Variants in MEI4 observed in about 807,000 individuals in gnomAD.
The protein encoded by MEI4 is meiotic double-stranded break formation protein 4, also known as meiosis-specific protein MEI4.
In MEI4, 27 loss-of-function variants were observed where a neutral mutation model predicts 31.4. The observed-to-expected ratio is 0.86, with a 90% confidence interval of 0.63 to 1.19. The LOEUF is 1.19. MEI4 is among the 50% of genes most tolerant of loss of function. The probability of loss-of-function intolerance (pLI) is 0.00; values close to 1 mark genes in which losing one functional copy is unlikely to be tolerated. For synonymous variants in MEI4, 122 were observed against 145.4 expected, an observed-to-expected ratio of 0.84 and a Z score of 1.16; for missense variants, 329 against 398.9, an observed-to-expected ratio of 0.82 and a Z score of 1.49.
intron 2 of MEI4, among the ~76,000 whole-genome samples, chr6:77,752,448 A>G (rs1289751724): frequency 6.6e-6 from 1 of 152,218 alleles, no homozygotes; most frequent in Non-Finnish European, 1.5e-5. Context: ...AAAAATCACA[A>G]GCATTCTTAT....
chr6:77,700,310 C>G (rs1437527594), intron 2 of MEI4, among the ~76,000 whole-genome samples: 2 of 152,186 alleles, frequency 1.3e-5, no homozygotes, highest in Admixed American at 1.3e-4. Context: ...GCCCCTCCCC[C>G]AGCCTCACTG....
chr6:77,841,333 A>ATATATATATATATATATATTTTTTTTT, intron 4 of MEI4, among the ~76,000 whole-genome samples: 1 of 27,736 alleles, frequency 3.6e-5, no homozygotes, highest in African/African-American at 3.3e-4. Context: ...ATATATATAT[A>ATATATATATATATATATATTTTTTTTT]TTTTTTTTTT....
chr6:77,754,261 T>C (rs1380489604), intron 2 of MEI4, among the ~76,000 whole-genome samples: 3 of 151,916 alleles, frequency 2.0e-5, no homozygotes, highest in Non-Finnish European at 4.4e-5. Context: ...TAGAAATAAA[T>C]AAATAAATAA....
chr6:77,755,620 T>C (rs1767896247), intron 2 of MEI4, among the ~76,000 whole-genome samples: 1 of 152,086 alleles, frequency 6.6e-6, no homozygotes, highest in Non-Finnish European at 1.5e-5. Flanking sequence ...GGTTTTACCA[T>C]GTTGGCCAGG....
chr6:77,700,670 C>T (rs1766196048), intron 2 of MEI4, among the ~76,000 whole-genome samples: 1 of 152,306 alleles, frequency 6.6e-6, no homozygotes, highest in Non-Finnish European at 1.5e-5. Flanking sequence ...CAAAAATCAC[C>T]TGTATTCTGT....
intron 2 of MEI4, among the ~76,000 whole-genome samples, chr6:77,729,949 A>G (rs181650028): frequency 1.1e-4 from 16 of 152,222 alleles, no homozygotes; most frequent in Admixed American, 1.0e-3. Flanking sequence ...GGCTCGGGAG[A>G]ACAACTCAGT....
chr6:77,759,386 A>G (rs1020389235), intron 2 of MEI4, among the ~76,000 whole-genome samples: 4 of 152,118 alleles, frequency 2.6e-5, no homozygotes, highest in Admixed American at 2.0e-4. Context: ...ACACACTGAT[A>G]ACTCCTAAAA....
chr6:77,694,127 A>C (rs1769211065), intron 2 of MEI4, among the ~76,000 whole-genome samples: 2 of 152,112 alleles, frequency 1.3e-5, no homozygotes, highest in African/African-American at 2.4e-5. Flanking sequence ...AACAATGAGT[A>C]AGGTTTTATT....
At chr6:77,694,073 A>G (rs1412394887) in intron 2 of MEI4, among the ~76,000 whole-genome samples, 1 of 152,038 alleles carries the variant, frequency 6.6e-6, no homozygotes, top group African/African-American at 2.4e-5. Context: ...AAAGTATGAT[A>G]TGCTTTTTCT....
chr6:77,705,549 T>C (rs1766312882), intron 2 of MEI4, among the ~76,000 whole-genome samples: 1 of 152,122 alleles, frequency 6.6e-6, no homozygotes, highest in South Asian at 2.1e-4. Context: ...CTAAATAGAA[T>C]ATGCAGACAA....
chr6:77,743,371 C>G (rs1767475809), intron 2 of MEI4, among the ~76,000 whole-genome samples: 1 of 152,116 alleles, frequency 6.6e-6, no homozygotes, highest in Non-Finnish European at 1.5e-5. Flanking sequence ...GTATTTTACT[C>G]TCTTTGAAGC....
chr6:77,823,834 G>GAT (rs1374470707), intron 3 of MEI4, among the ~76,000 whole-genome samples: 14 of 152,156 alleles, frequency 9.2e-5, no homozygotes, highest in Admixed American at 6.6e-5. Flanking sequence ...ATTTATGCGT[G>GAT]ATACCATCTG....
At chr6:77,891,912 C>T (rs1241568483) in intron 4 of MEI4, among the ~76,000 whole-genome samples, 1 of 152,164 alleles carries the variant, frequency 6.6e-6, no homozygotes, top group Non-Finnish European at 1.5e-5. Context: ...TCTGTGTCTT[C>T]CTCATTTGCT....
intron 2 of MEI4, among the ~76,000 whole-genome samples, chr6:77,743,702 A>G (rs1166397770): frequency 1.3e-5 from 2 of 152,184 alleles, no homozygotes; most frequent in Non-Finnish European, 2.9e-5. Flanking sequence ...CGAGCAGCCT[A>G]ACTGGGAGGC....
Position 77,847,307 on chromosome 6 carries a change from C to G in MEI4, c.900+18245C>G, listed in dbSNP as rs1770512661. Among the ~76,000 whole-genome samples, 3 of 152,094 alleles carry G rather than the reference C, an allele frequency of 2.0e-5. No homozygotes were observed. Among genetic ancestry groups the G allele is most frequent in the Non-Finnish European group, 4.4e-5 (3 of 68,016 alleles). On this transcript the variant is annotated intron_variant, in intron 4 of 4. Coordinates refer to ENST00000684080, the MANE Select transcript of MEI4 (RefSeq NM_001322247.2). The surrounding 1 kb of genome is among the most constrained non-coding windows in gnomAD (Gnocchi z 4.6). Reference sequence around the variant, plus strand: ...ATTCAAGAGAAATGTTGAGTAAATACAGGAAATAAAGCCAATTATTTCCTC... The same window carrying G: ...ATTCAAGAGAAATGTTGAGTAAATAGAGGAAATAAAGCCAATTATTTCCTC...
intron 1 of MEI4, among the ~76,000 whole-genome samples, chr6:77,656,103 C>T (rs1279201917): frequency 2.0e-5 from 3 of 152,034 alleles, no homozygotes; most frequent in Non-Finnish European, 4.4e-5. Context: ...TTGCTTTCAC[C>T]ATGGCAGAAC....
chr6:77,700,607 C>T (rs564681173), intron 2 of MEI4, among the ~76,000 whole-genome samples: 2 of 152,344 alleles, frequency 1.3e-5, no homozygotes, highest in South Asian at 4.1e-4. Context: ...CTGTCCTGCA[C>T]TGACTGTCTG....
chr6:77,737,129 A>G (rs1278894363), intron 2 of MEI4, among the ~76,000 whole-genome samples: 1 of 152,234 alleles, frequency 6.6e-6, no homozygotes, highest in Non-Finnish European at 1.5e-5. Context: ...TGGCATTTTA[A>G]GGATTTTCCA....
chr6:77,706,906 A>G (rs1284498530), intron 2 of MEI4, among the ~76,000 whole-genome samples: 3 of 152,158 alleles, frequency 2.0e-5, no homozygotes, highest in African/African-American at 7.2e-5. Flanking sequence ...CCACGAACCA[A>G]ATAAACCACT....
Sources: gnomAD v4.1 joint callset for allele counts (sites outside exome capture counted in the v4.1 genomes callset) on GRCh38, gnomAD v4.1.1 for gene constraint, Gnocchi (gnomAD v3.1) non-coding constraint, MANE v1.5 for transcripts, NCBI Gene and HGNC (gene_info 2026-07-23, HGNC 2026-07-21) for gene names.